Variants in TNKS observed in about 807,000 individuals in gnomAD.
TNKS encodes tankyrase.
TNKS carries 72 observed loss-of-function variants against 135.8 expected under a neutral mutation model. The observed-to-expected ratio is 0.53, with a 90% CI of 0.44 to 0.64. The LOEUF is 0.64. Ranked by LOEUF, TNKS falls within the 30% of genes least tolerant of loss-of-function variation. The probability of loss-of-function intolerance (pLI) is 0.00; values close to 1 mark genes in which losing one functional copy is unlikely to be tolerated. For missense variants in TNKS, 1,769 were observed against 1,674.0 expected, an observed-to-expected ratio of 1.06 and a Z score of -0.99; for synonymous variants, 849 against 649.3, an observed-to-expected ratio of 1.31 and a Z score of -4.68.
intron 18 of TNKS, among the ~76,000 whole-genome samples, chr8:9,749,338 C>G (rs983741606): frequency 7.2e-5 from 11 of 152,284 alleles, no homozygotes; most frequent in Non-Finnish European, 1.0e-4. Flanking sequence ...CTTAGCAATT[C>G]TAAAATTCAG....
intron 5 of TNKS, 137 bp downstream of exon 5, chr8:9,680,937 T>C: frequency 1.7e-6 from 1 of 583,144 alleles, no homozygotes; most frequent in South Asian, 2.8e-5. Flanking sequence ...GAAATGCTAC[T>C]ATATCTGTTA....
At chr8:9,676,686 C>CTCTGTGTGTG (rs1554467464) in intron 3 of TNKS, among the ~76,000 whole-genome samples, 184 of 147,880 alleles carry the variant, frequency 1.2e-3, no homozygotes, top group African/African-American at 4.1e-3. Flanking sequence ...CTCTCTCTCT[C>CTCTGTGTGTG]TGTGTGTGTG....
intron 9 of TNKS, among the ~76,000 whole-genome samples, chr8:9,709,083 C>A (rs1804193173): frequency 6.6e-6 from 1 of 152,058 alleles, no homozygotes; most frequent in Non-Finnish European, 1.5e-5. Context: ...AGTGATCGCT[C>A]CTAAATTCAG....
chr8:9,653,099 A>T (rs1283639745), intron 3 of TNKS, among the ~76,000 whole-genome samples: 1 of 152,208 alleles, frequency 6.6e-6, no homozygotes, highest in Non-Finnish European at 1.5e-5. Flanking sequence ...AAAGTCATAA[A>T]GTTAGGGGAA....
In TNKS at chr8:9,751,603, T is replaced by A; in HGVS notation, c.2833-6T>A. ...TCATGGTTTTTGTTTTTAATCATTT[T>A]TTTAGGCTGACGATATCAGAGCTTT... is the stretch of plus-strand genomic sequence containing the variant. On this transcript the variant is annotated splice_polypyrimidine_tract_variant and splice_region_variant and intron_variant, in intron 18 of 26. Coordinates refer to ENST00000310430, the MANE Select transcript of TNKS (RefSeq NM_003747.3). The A allele has an allele frequency of 1.2e-6, 2 of 1,608,648 alleles. No individual in the cohort carries two copies. The highest frequency in any genetic ancestry group is 1.7e-6 in the Non-Finnish European group (2 of 1,177,212).
chr8:9,665,774 G>A (rs115666003), intron 3 of TNKS, among the ~76,000 whole-genome samples: 223 of 152,084 alleles, frequency 1.5e-3, no homozygotes, highest in African/African-American at 5.2e-3. Flanking sequence ...ATTCACTCTC[G>A]TGAATTCCCA....
At position 9,598,713 on chromosome 8, in the gene TNKS, G is replaced by C. The variant is rs1050084049; in HGVS notation, c.899-16869G>C. Among the ~76,000 whole-genome samples, 105 of 128,122 alleles carry C rather than the reference G, an allele frequency of 8.2e-4. 1 individual carries two copies. In the South Asian group the frequency reaches 0.026, roughly 32 times the overall value. The allele number at this position is 128,122 out of a possible 152,430, so 84.1% of individuals were successfully genotyped here. A position where few individuals can be genotyped will look rare whatever the true frequency, so the allele number is the denominator to read the frequency against. On this transcript the variant is annotated intron_variant, in intron 2 of 26. Transcript: ENST00000310430. ...AAGACCTTGTCTAAAATATGTGTGT[G>C]TGTGTGTGTGTGTGTGTGTGTCTGT...
intron 2 of TNKS, among the ~76,000 whole-genome samples, chr8:9,614,792 C>G (rs1441069008): frequency 6.6e-6 from 1 of 152,178 alleles, no homozygotes; most frequent in Non-Finnish European, 1.5e-5. Flanking sequence ...CGTATACACA[C>G]CACATACCAG....
chr8:9,730,282 G>C (rs1805369328), intron 13 of TNKS, among the ~76,000 whole-genome samples: 1 of 152,126 alleles, frequency 6.6e-6, no homozygotes, highest in South Asian at 2.1e-4. Flanking sequence ...GAAAGAGATG[G>C]AAGTAAAGCC....
chr8:9,743,600 C>T (rs372050348), intron 17 of TNKS: 1 of 152,130 alleles, frequency 6.6e-6, no homozygotes, highest in Non-Finnish European at 1.5e-5. Flanking sequence ...AAATAACTTG[C>T]TTCATGGCCG....
At position 9,764,703 on chromosome 8, in the gene TNKS, T is replaced by A; in HGVS notation, c.3373-13T>A. On this transcript the variant is annotated splice_polypyrimidine_tract_variant and intron_variant, in intron 22 of 26. Transcript: ENST00000310430. ...TGGGATGTTTTTATAAAATTAGTTA[T>A]TTTGTTCTGTAGATGCAAAGTACTA... 1 of 1,581,124 alleles carries A rather than the reference T, an allele frequency of 6.3e-7. No homozygotes were observed. Among genetic ancestry groups the A allele is most frequent in the Non-Finnish European group, 8.6e-7 (1 of 1,168,704 alleles).
intron 13 of TNKS, among the ~76,000 whole-genome samples, chr8:9,728,834 C>T (rs534923845): frequency 6.6e-6 from 1 of 152,286 alleles, no homozygotes; most frequent in African/African-American, 2.4e-5. Context: ...CTCGCCTTTA[C>T]TGCCCAGACT....
At chr8:9,723,387 TTTA>T (rs1233194369) in intron 12 of TNKS, among the ~76,000 whole-genome samples, 3 of 146,334 alleles carry the variant, frequency 2.1e-5, no homozygotes, top group Non-Finnish European at 4.5e-5. Context: ...TGGATAACAT[TTTA>T]TAAGATTCAT....
intron 2 of TNKS, among the ~76,000 whole-genome samples, chr8:9,599,989 A>T (rs2128758446): frequency 6.6e-6 from 1 of 152,304 alleles, no homozygotes; most frequent in African/African-American, 2.4e-5. Context: ...ATTCACATGG[A>T]TGAATTTTTG....
chr8:9,722,118 C>T (rs542531073), intron 12 of TNKS, among the ~76,000 whole-genome samples: 1 of 150,700 alleles, frequency 6.6e-6, no homozygotes, highest in Non-Finnish European at 1.5e-5. Context: ...GGGAAAATAG[C>T]AGTAAGTTAC....
chr8:9,575,246 A>G (rs1359486498), intron 1 of TNKS: 2 of 490,234 alleles, frequency 4.1e-6, no homozygotes, highest in Non-Finnish European at 5.3e-6. Context: ...GCCACCACGC[A>G]GGGCTAATTT....
intron 26 of TNKS, among the ~76,000 whole-genome samples, chr8:9,771,078 A>G (rs1807803751): frequency 6.6e-6 from 1 of 152,026 alleles, no homozygotes; most frequent in Non-Finnish European, 1.5e-5. Flanking sequence ...ATTTATGGGT[A>G]AGTAGTAATA....
At chr8:9,679,493 C>A (rs1013708008) in intron 3 of TNKS, among the ~76,000 whole-genome samples, 3 of 151,926 alleles carry the variant, frequency 2.0e-5, no homozygotes, top group East Asian at 3.9e-4. Flanking sequence ...TTTTAACTTT[C>A]CATGTCATTA....
chr8:9,682,456 G>C (rs1339913718), intron 5 of TNKS, among the ~76,000 whole-genome samples: 1 of 151,986 alleles, frequency 6.6e-6, no homozygotes, highest in Non-Finnish European at 1.5e-5. Flanking sequence ...CAAATGTATA[G>C]AACTCATTTA....
Sources: allele counts gnomAD v4.1 joint callset (sites outside exome capture counted in the v4.1 genomes callset), GRCh38; gene constraint gnomAD v4.1.1; transcripts MANE v1.5; gene names NCBI Gene and HGNC (gene_info 2026-07-23, HGNC 2026-07-21).